CDH13: variants seen among roughly 807,000 people sequenced by gnomAD.
The protein encoded by CDH13 is cadherin 13.
CDH13 carries 24 observed loss-of-function variants against 63.8 expected under a neutral mutation model. The ratio of observed to expected loss-of-function variants is 0.38; its 90% confidence interval spans 0.27 to 0.53. The LOEUF (loss-of-function observed/expected upper bound fraction) is 0.53. Ranked by LOEUF, CDH13 falls within the 20% of genes least tolerant of loss-of-function variation. The probability of loss-of-function intolerance (pLI) is 0.85; values close to 1 mark genes in which losing one functional copy is unlikely to be tolerated. For missense variants in CDH13, 1,049 were observed against 903.1 expected, an observed-to-expected ratio of 1.16 and a Z score of -2.07; for synonymous variants, 503 against 355.3, an observed-to-expected ratio of 1.42 and a Z score of -4.67.
chr16:82,698,191 T>C (rs1388256261), intron 1 of CDH13, among the ~76,000 whole-genome samples: 1 of 152,208 alleles, frequency 6.6e-6, no homozygotes, highest in Non-Finnish European at 1.5e-5. Flanking sequence ...AGCTCTTGAA[T>C]TCTAAGGCAG....
In CDH13 at chr16:83,299,240, G is replaced by A. The variant is rs184540065; in HGVS notation, c.637-45622G>A. On this transcript the variant is annotated intron_variant, in intron 5 of 13. Coordinates refer to ENST00000567109, the MANE Select transcript of CDH13 (RefSeq NM_001257.5). ...TACCACAGTGTGGATGTTTCTCTTT[G>A]TTTTATTATTCCCTTATTTTGGATG... 3.8e-3 allele frequency among the ~76,000 whole-genome samples: 551 copies of A among 145,784 alleles called. 3 individuals carry two copies. Among genetic ancestry groups the A allele is most frequent in the Non-Finnish European group, 6.2e-3 (413 of 66,486 alleles).
At chr16:83,690,547 G>T (rs1904754178) in intron 10 of CDH13, among the ~76,000 whole-genome samples, 1 of 152,148 alleles carries the variant, frequency 6.6e-6, no homozygotes, top group Admixed American at 6.5e-5. Flanking sequence ...GATGGGGAAA[G>T]TGTTAAGCAT....
intron 1 of CDH13, among the ~76,000 whole-genome samples, chr16:82,641,565 C>T (rs1023819278): frequency 3.3e-5 from 5 of 152,278 alleles, no homozygotes; most frequent in East Asian, 1.9e-4. Context: ...CTTAGGGCCT[C>T]GTCTTTGACA....
At chr16:83,724,054 GTGGGTGAGTGATGAATGCA>G (rs1910041678) in intron 10 of CDH13, among the ~76,000 whole-genome samples, 1 of 135,186 alleles carries the variant, frequency 7.4e-6, no homozygotes, top group Non-Finnish European at 1.6e-5. Flanking sequence ...TGGTGAATGC[GTGGGTGAGTGATGAATGCA>G]TGGGTGAGTG....
intron 2 of CDH13, among the ~76,000 whole-genome samples, chr16:82,982,635 TA>T (rs1238928349): frequency 6.6e-6 from 1 of 152,184 alleles, no homozygotes. Flanking sequence ...TCCCCCCAAC[TA>T]TTTGCCATTG....
intron 1 of CDH13, among the ~76,000 whole-genome samples, chr16:82,756,764 T>C (rs2034626849): frequency 6.6e-6 from 1 of 152,186 alleles, no homozygotes; most frequent in African/African-American, 2.4e-5. Context: ...GAGAGCATTC[T>C]TGGAAGATTA....
chr16:82,934,432 A>T (rs921070781), intron 2 of CDH13, among the ~76,000 whole-genome samples: 2 of 152,084 alleles, frequency 1.3e-5, no homozygotes, highest in Admixed American at 6.5e-5. Flanking sequence ...CATTTTTTCC[A>T]TCTAGGCCTC....
intron 1 of CDH13, among the ~76,000 whole-genome samples, chr16:82,852,657 G>T (rs2039539503): frequency 6.6e-6 from 1 of 152,132 alleles, no homozygotes; most frequent in African/African-American, 2.4e-5. Flanking sequence ...AAAGGTATTT[G>T]CAAAATCTAA....
chr16:83,740,288 C>T (rs3784971), intron 10 of CDH13, among the ~76,000 whole-genome samples: 31,013 of 151,450 alleles, frequency 0.2, 3,680 homozygotes, highest in East Asian at 0.55. Flanking sequence ...GGGTTTTAAG[C>T]CGGGGATTCA....
At chr16:82,656,772 C>T (rs182370730) in intron 1 of CDH13, among the ~76,000 whole-genome samples, 27 of 152,260 alleles carry the variant, frequency 1.8e-4, no homozygotes, top group Admixed American at 5.2e-4. Flanking sequence ...GGCAATCCAC[C>T]GATCTTTCTT....
intron 1 of CDH13, among the ~76,000 whole-genome samples, chr16:82,667,359 C>G (rs1324798400): frequency 1.3e-5 from 2 of 152,168 alleles, no homozygotes; most frequent in African/African-American, 2.4e-5. Context: ...TGGCCATCCC[C>G]AAGTGCAACT....
At chr16:82,912,230 A>ATATGTTGCTTTTCACACGTCT (rs6145918) in intron 2 of CDH13, among the ~76,000 whole-genome samples, 1 of 151,866 alleles carries the variant, frequency 6.6e-6, no homozygotes, top group Non-Finnish European at 1.5e-5. Flanking sequence ...CTGCATGTTA[A>ATATGTTGCTTTTCACACGTCT]TATTTTCTTA....
At chr16:83,335,456 T>G (rs940231863) in intron 5 of CDH13, among the ~76,000 whole-genome samples, 1 of 152,176 alleles carries the variant, frequency 6.6e-6, no homozygotes, top group Non-Finnish European at 1.5e-5. Flanking sequence ...GAGATGGCAG[T>G]GTTAAGACTT....
At chr16:83,447,847 AC>A in intron 6 of CDH13, among the ~76,000 whole-genome samples, 1 of 151,816 alleles carries the variant, frequency 6.6e-6, no homozygotes, top group African/African-American at 2.4e-5. Context: ...AATGAGATAG[AC>A]CAGTTCTCTC....
chr16:82,995,378 T>C (rs1264320088), intron 2 of CDH13, among the ~76,000 whole-genome samples: 1 of 152,210 alleles, frequency 6.6e-6, no homozygotes, highest in African/African-American at 2.4e-5. Flanking sequence ...AGCGTGATGT[T>C]AGCACATTAA....
At chr16:83,366,342 T>A (rs1237999013) in intron 6 of CDH13, among the ~76,000 whole-genome samples, 2 of 152,214 alleles carry the variant, frequency 1.3e-5, no homozygotes, top group Non-Finnish European at 2.9e-5. Context: ...GAATTATGAA[T>A]ACTTTTGGTA....
intron 5 of CDH13, among the ~76,000 whole-genome samples, chr16:83,235,813 T>C (rs2040127648): frequency 6.6e-6 from 1 of 152,176 alleles, no homozygotes; most frequent in African/African-American, 2.4e-5. Flanking sequence ...TGAGGATATA[T>C]GCTAGAATGT....
At chr16:83,307,976 C>G (rs768466438) in intron 5 of CDH13, among the ~76,000 whole-genome samples, 1 of 152,122 alleles carries the variant, frequency 6.6e-6, no homozygotes, top group Non-Finnish European at 1.5e-5. Context: ...TTGCAGCATG[C>G]CACCTTCATA....
At chr16:83,752,593 C>G (rs528084512) in intron 11 of CDH13, among the ~76,000 whole-genome samples, 1 of 152,186 alleles carries the variant, frequency 6.6e-6, no homozygotes, top group South Asian at 2.1e-4. Flanking sequence ...GTAGTCAGGA[C>G]CTAATGATAC....
Sources: allele counts gnomAD v4.1 joint callset (sites outside exome capture counted in the v4.1 genomes callset), GRCh38; gene constraint gnomAD v4.1.1; transcripts MANE v1.5; gene names NCBI Gene and HGNC (gene_info 2026-07-23, HGNC 2026-07-21).